TRDN: variants seen among roughly 807,000 people sequenced by gnomAD.
TRDN encodes triadin.
Under a neutral mutation model 149.7 loss-of-function variants are expected in TRDN, and 161 were observed. That is an observed-to-expected ratio of 1.08 (90% CI 0.95 to 1.23). The LOEUF is 1.23. Among genes scored for constraint, TRDN ranks in the 50% most tolerant of loss-of-function variants. TRDN has a pLI of 0.00. For synonymous variants in TRDN, 294 were observed against 250.5 expected, an observed-to-expected ratio of 1.17 and a Z score of -1.64; for missense variants, 896 against 823.5, an observed-to-expected ratio of 1.09 and a Z score of -1.08.
chr6:123,499,719 A>AAAAAAAAAAAAAATAT lies in TRDN; in HGVS notation c.794-2468_794-2467insATATTTTTTTTTTTTT. Among the ~76,000 whole-genome samples the AAAAAAAAAAAAAATAT allele has an allele frequency of 1.1e-3, 52 of 47,672 alleles. 2 individuals are homozygous for AAAAAAAAAAAAAATAT. The highest frequency in any genetic ancestry group is 2.8e-3 in the African/African-American group (39 of 14,014). 31.3% of individuals were successfully genotyped at this position (47,672 alleles called of 152,430 possible). On this transcript the variant is annotated intron_variant, in intron 8 of 40. Coordinates refer to ENST00000334268, the MANE Select transcript of TRDN (RefSeq NM_006073.4). ...ATTCTGGCTCAAAAAAAAAAAAAAA[A>AAAAAAAAAAAAAATAT]ATATATATATATATATATATATATA... is the stretch of plus-strand genomic sequence containing the variant.
At chr6:123,247,199 A>C (rs776807748) in intron 38 of TRDN, among the ~76,000 whole-genome samples, 1 of 152,218 alleles carries the variant, frequency 6.6e-6, no homozygotes, top group African/African-American at 2.4e-5. Context: ...GCACAAGACA[A>C]GTATGTGCTC....
At chr6:123,516,248 A>G in intron 5 of TRDN, 42 bp from the exon 6 acceptor site, 1 of 1,430,554 alleles carries the variant, frequency 7.0e-7, no homozygotes, top group Admixed American at 2.6e-5. Flanking sequence ...AAATAACAGG[A>G]ATAAATGAGG....
chr6:123,218,833 A>T (rs1267805358), intron 40 of TRDN, 93 bp from the exon 41 acceptor site: 1 of 1,352,394 alleles, frequency 7.4e-7, no homozygotes, highest in African/African-American at 1.5e-5. Context: ...AAGGTCACAG[A>T]TTCTGCCAGC....
rs1169135498 is a variant in TRDN at position 123,216,774 on chromosome 6, T to G, written c.*1827A>C. The G allele has an allele frequency of 2.0e-5, 3 of 151,948 alleles. No homozygotes were observed. Among genetic ancestry groups the G allele is most frequent in the African/African-American group, 7.2e-5 (3 of 41,432 alleles). 9.4% of individuals were successfully genotyped at this position (151,948 alleles called of 1,614,324 possible). A position where few individuals can be genotyped will look rare whatever the true frequency, so the allele number is the denominator to read the frequency against. On this transcript the variant is annotated 3_prime_UTR_variant, in exon 41 of 41. Transcript: ENST00000334268. ...GTCATTCACTATGTCAGAATAGCGC[T>G]GGGAATCTAATTTATTATATTTTTC...
chr6:123,591,514 G>A (rs1053723772), intron 1 of TRDN, among the ~76,000 whole-genome samples: 11 of 152,146 alleles, frequency 7.2e-5, no homozygotes, highest in African/African-American at 2.7e-4. Flanking sequence ...TCAAAGTGCT[G>A]GGATTATAGG....
chr6:123,521,567 A>G (rs1315703014), intron 5 of TRDN, among the ~76,000 whole-genome samples: 5 of 152,126 alleles, frequency 3.3e-5, no homozygotes, highest in African/African-American at 1.2e-4. Context: ...AAAAAAACTC[A>G]TCCTGTGGAA....
At chr6:123,227,638 T>C (rs868465078) in intron 38 of TRDN, among the ~76,000 whole-genome samples, 23 of 152,138 alleles carry the variant, frequency 1.5e-4, no homozygotes, top group African/African-American at 5.1e-4. Flanking sequence ...TCTTAAGATT[T>C]TCTACATGCT....
At position 123,414,780 on chromosome 6, in the gene TRDN, T is replaced by A. The variant is rs142013658; in HGVS notation, c.1052-21103A>T. 3.9e-5 allele frequency among the ~76,000 whole-genome samples: 6 copies of A among 152,244 alleles called. No individual in the cohort carries two copies. The East Asian group carries it at 1.2e-3, about 29-fold the overall frequency. ...CTGCTCACAATTAGTAATATAAGAA[T>A]CTTTTGATTATTGCTGGAAAATGAG... On this transcript the variant is annotated intron_variant, in intron 12 of 40. Transcript: ENST00000334268.
At chr6:123,255,771 G>C in intron 36 of TRDN, 96 bp downstream of exon 36, 3 of 780,980 alleles carry the variant, frequency 3.8e-6, no homozygotes, top group Non-Finnish European at 5.5e-6. Context: ...CATACATTTA[G>C]AAAAGTTTTT....
At chr6:123,377,973 A>T (rs983347430) in intron 16 of TRDN, 75 bp from the exon 17 acceptor site, 5 of 1,072,620 alleles carry the variant, frequency 4.7e-6, no homozygotes, top group Non-Finnish European at 6.6e-6. Flanking sequence ...TAATTGTTTT[A>T]ACACAAAGAA....
chr6:123,498,488 T>C, intron 8 of TRDN: 1 of 467,916 alleles, frequency 2.1e-6, no homozygotes, highest in Non-Finnish European at 4.4e-6. Context: ...GTTCCAAAAA[T>C]TTAGATGTAT....
intron 12 of TRDN, among the ~76,000 whole-genome samples, chr6:123,423,484 T>C (rs1283290464): frequency 6.6e-6 from 1 of 152,132 alleles, no homozygotes; most frequent in Admixed American, 6.6e-5. Context: ...ATATCAAACA[T>C]AAAATGTTTT....
chr6:123,484,396 A>C (rs1198184111), intron 9 of TRDN, among the ~76,000 whole-genome samples: 1 of 152,166 alleles, frequency 6.6e-6, no homozygotes, highest in African/African-American at 2.4e-5. Context: ...TATTCATGTA[A>C]TTTTCTAGAG....
intron 4 of TRDN, among the ~76,000 whole-genome samples, chr6:123,542,407 T>C (rs1780882354): frequency 6.6e-6 from 1 of 152,178 alleles, no homozygotes; most frequent in African/African-American, 2.4e-5. Flanking sequence ...TCCAAAAAAC[T>C]AAATATGCAT....
At chr6:123,542,019 T>C (rs1047887527) in intron 4 of TRDN, among the ~76,000 whole-genome samples, 4 of 152,196 alleles carry the variant, frequency 2.6e-5, no homozygotes, top group Admixed American at 1.3e-4. Flanking sequence ...AGAGCTATTG[T>C]GGATTGTAAT....
chr6:123,444,058 A>C (rs1231181112), intron 10 of TRDN, among the ~76,000 whole-genome samples: 1 of 149,556 alleles, frequency 6.7e-6, no homozygotes, highest in African/African-American at 2.5e-5. Flanking sequence ...TCTGTGAAGA[A>C]AGTCATTGGT....
At chr6:123,434,563 C>T (rs955946209) in intron 12 of TRDN, among the ~76,000 whole-genome samples, 1 of 152,240 alleles carries the variant, frequency 6.6e-6, no homozygotes, top group African/African-American at 2.4e-5. Flanking sequence ...TTTAGTCCTT[C>T]AATAACATTG....
chr6:123,501,925 C>A, intron 8 of TRDN: 4 of 984,414 alleles, frequency 4.1e-6, no homozygotes, highest in Non-Finnish European at 4.8e-6. Context: ...TAAAGTGTTC[C>A]GGTGATGAGT....
intron 12 of TRDN, among the ~76,000 whole-genome samples, chr6:123,408,208 T>G (rs537353090): frequency 1.3e-5 from 2 of 152,346 alleles, no homozygotes; most frequent in South Asian, 2.1e-4. Flanking sequence ...TAGTGCTATT[T>G]ATCTTGTTCA....
Sources: allele counts gnomAD v4.1 joint callset (sites outside exome capture counted in the v4.1 genomes callset), GRCh38; gene constraint gnomAD v4.1.1; transcripts MANE v1.5; gene names NCBI Gene and HGNC (gene_info 2026-07-23, HGNC 2026-07-21).